PHC2: variants seen among roughly 807,000 people sequenced by gnomAD.
The protein encoded by PHC2 is polyhomeotic-like protein 2.
In PHC2, 29 loss-of-function variants were observed where a neutral mutation model predicts 87.4. The observed-to-expected ratio is 0.33, with a 90% CI of 0.25 to 0.45. PHC2 has a LOEUF of 0.45. PHC2 is among the 20% of genes least tolerant of loss of function. The probability of loss-of-function intolerance (pLI) is 1.00; values close to 1 mark genes in which losing one functional copy is unlikely to be tolerated. For synonymous variants in PHC2, 438 were observed against 461.7 expected (o/e 0.95, Z 0.66); for missense variants, 857 against 1,136.7 (o/e 0.75, Z 3.54).
chr1:33,427,038 G>C (rs1387246715), intron 1 of PHC2, among the ~76,000 whole-genome samples: 2 of 152,228 alleles, frequency 1.3e-5, no homozygotes, highest in African/African-American at 4.8e-5. Flanking sequence ...TGACTTCAGA[G>C]ACAGTATAGC....
At chr1:33,406,788 TCTTTAATCTGTGGATTG>T (rs1649781680) in intron 1 of PHC2, among the ~76,000 whole-genome samples, 1 of 152,140 alleles carries the variant, frequency 6.6e-6, no homozygotes, top group African/African-American at 2.4e-5. Context: ...TTATTAGGCT[TCTTTAATCTGTGGATTG>T]CTGTTTTTTA....
chr1:33,346,140 A>G (rs1027579654), intron 9 of PHC2: 1 of 977,474 alleles, frequency 1.0e-6, no homozygotes, highest in Non-Finnish European at 1.2e-6. Context: ...AGAGAGAGCC[A>G]TTTCTGTCAT....
intron 1 of PHC2, among the ~76,000 whole-genome samples, chr1:33,418,292 T>G (rs1250282159): frequency 1.3e-5 from 2 of 151,962 alleles, no homozygotes; most frequent in African/African-American, 2.4e-5. Context: ...GCTGGCTCTT[T>G]GAAAAGATCA....
intron 9 of PHC2, among the ~76,000 whole-genome samples, 170 bp downstream of exon 9, chr1:33,354,227 CAATT>C (rs1256164717): frequency 2.0e-5 from 3 of 152,316 alleles, no homozygotes; most frequent in African/African-American, 7.2e-5. Context: ...TTCCGTGTCT[CAATT>C]ACTTTATCCC....
intron 2 of PHC2, among the ~76,000 whole-genome samples, chr1:33,374,390 G>T (rs1648040741): frequency 6.6e-6 from 1 of 152,208 alleles, no homozygotes; most frequent in Admixed American, 6.5e-5. Context: ...GATGGGCCAG[G>T]GCCAGGTGCT....
In PHC2 at chr1:33,391,666, A is replaced by G. The variant is rs63224960; in HGVS notation, c.-54-16073T>C. 3.3e-5 allele frequency among the ~76,000 whole-genome samples: 5 copies of G among 149,562 alleles called. No individual in the cohort carries two copies. In the East Asian group the frequency reaches 9.8e-4, roughly 29 times the overall value. The stretch of plus-strand genomic sequence containing the variant: ...TCCCTTTGATAGGAAAAAAAAAAAA[A>G]GGCAGTGCTTCTATTTTATCATTTA... On this transcript the variant is annotated intron_variant, in intron 1 of 14. Transcript: ENST00000683057.
At chr1:33,414,059 G>C (rs965821587) in intron 1 of PHC2, among the ~76,000 whole-genome samples, 5 of 152,064 alleles carry the variant, frequency 3.3e-5, no homozygotes, top group Admixed American at 6.5e-5. Context: ...TCCCTTAAAT[G>C]TATATCTAAA....
chr1:33,396,982 G>A (rs1436529781), intron 1 of PHC2, among the ~76,000 whole-genome samples: 1 of 152,180 alleles, frequency 6.6e-6, no homozygotes, highest in Non-Finnish European at 1.5e-5. Flanking sequence ...TTAACACGAG[G>A]AGTCTGGAAT....
Position 33,364,017 on chromosome 1 carries a change from C to T in PHC2, c.976+3099G>A. ...CTCCCCTCCCCCACCTGCTCCCCCACCCCTATTCTCGGCATAAGGGACCTT... is the reference window on the plus strand; with the variant it reads ...CTCCCCTCCCCCACCTGCTCCCCCATCCCTATTCTCGGCATAAGGGACCTT... On this transcript the variant is annotated intron_variant, in intron 7 of 14. Transcript: ENST00000683057. The surrounding 1 kb of genome is among the most constrained non-coding windows in gnomAD (Gnocchi z 4.1). 2.2e-6 allele frequency: 1 copy of T among 463,714 alleles called. No homozygotes were observed. Among genetic ancestry groups the T allele is most frequent in the Non-Finnish European group, 2.8e-6 (1 of 353,058 alleles). 28.7% of individuals were successfully genotyped at this position (463,714 alleles called of 1,614,324 possible).
chr1:33,393,613 A>G (rs1570505500), intron 1 of PHC2, among the ~76,000 whole-genome samples: 1 of 121,286 alleles, frequency 8.2e-6, no homozygotes, highest in African/African-American at 3.3e-5. Context: ...ATAGTCTCCA[A>G]GCCTGTCTCC....
chr1:33,382,534 A>G lies in PHC2; in HGVS notation c.-54-6941T>C, dbSNP rs10914695. ...TCACAGCCAAATCTCATTAATGGCT[A>G]ACATCAAGAACTAGAAGTCTGTTTT... is the stretch of plus-strand genomic sequence containing the variant. On this transcript the variant is annotated intron_variant, in intron 1 of 14. Transcript: ENST00000683057. The surrounding 1 kb of genome is among the most constrained non-coding windows in gnomAD (Gnocchi z 4.3). Among the ~76,000 whole-genome samples, 26,322 of 152,126 alleles carry G rather than the reference A, an allele frequency of 0.17. 2,810 individuals carry two copies. The highest frequency in any genetic ancestry group is 0.27 in the South Asian group (1,291 of 4,806).
intron 7 of PHC2, 134 bp downstream of exon 7, chr1:33,366,982 T>A: frequency 5.0e-6 from 4 of 799,784 alleles, no homozygotes; most frequent in Non-Finnish European, 8.0e-6. Context: ...CATTTTGAGA[T>A]AGGGAGGGAG....
chr1:33,352,047 T>C (rs915467000), intron 9 of PHC2, among the ~76,000 whole-genome samples: 4 of 151,860 alleles, frequency 2.6e-5, no homozygotes, highest in African/African-American at 7.3e-5. Context: ...ACTTCTCTCA[T>C]GAGATAGGAC....
intron 1 of PHC2, among the ~76,000 whole-genome samples, chr1:33,376,553 G>A (rs531018297): frequency 2.0e-5 from 3 of 152,276 alleles, no homozygotes; most frequent in East Asian, 1.9e-4. Context: ...CCTTTTCATC[G>A]TTGGGGTGGG....
chr1:33,325,889 C>T (rs756758732), intron 14 of PHC2: 22 of 456,464 alleles, frequency 4.8e-5, no homozygotes, highest in Non-Finnish European at 7.9e-5. Context: ...CTGTGGAAAG[C>T]GTGAGTGTCT....
intron 1 of PHC2, among the ~76,000 whole-genome samples, chr1:33,380,378 C>G (rs1034987269): frequency 6.6e-6 from 1 of 152,198 alleles, no homozygotes; most frequent in African/African-American, 2.4e-5. Context: ...CTTTCATTCT[C>G]TATGAATTTG....
chr1:33,325,582 G>A (rs964414822), intron 14 of PHC2: 1 of 268,194 alleles, frequency 3.7e-6, no homozygotes, highest in East Asian at 9.7e-5. Context: ...CTCATACACT[G>A]GGTCTGTGGA....
intron 1 of PHC2, 59 bp downstream of exon 1, chr1:33,430,917 C>T (rs1250232085): frequency 1.3e-5 from 2 of 150,940 alleles, no homozygotes; most frequent in African/African-American, 2.4e-5. Context: ...GGCCGGTGTC[C>T]CCCGCGCGCT....
intron 1 of PHC2, among the ~76,000 whole-genome samples, chr1:33,376,826 G>T (rs2148338918): frequency 6.6e-6 from 1 of 152,330 alleles, no homozygotes; most frequent in Admixed American, 6.5e-5. Flanking sequence ...CTACCTGGGA[G>T]GCTGAGGCAG....
Sources: allele counts gnomAD v4.1 joint callset (sites outside exome capture counted in the v4.1 genomes callset), GRCh38; gene constraint gnomAD v4.1.1; non-coding constraint Gnocchi (gnomAD v3.1); transcripts MANE v1.5; gene names NCBI Gene and HGNC (gene_info 2026-07-23, HGNC 2026-07-21).